The following FYB1 variants were observed in gnomAD, a reference collection of about 807,000 sequenced individuals.
FYB1 encodes the protein FYN-binding protein 1.
Under a neutral mutation model 94.1 loss-of-function variants are expected in FYB1, and 41 were observed. That is an observed-to-expected ratio of 0.44 (90% CI 0.34 to 0.57). The LOEUF is 0.57. Among genes scored for constraint, FYB1 ranks in the 20% least tolerant of loss-of-function variants. FYB1 has a pLI of 0.02. For missense variants in FYB1, 1,050 were observed against 976.8 expected (o/e 1.07, Z -1.00); for synonymous variants, 367 against 353.2 (o/e 1.04, Z -0.44).
chr5:39,189,127 G>A (rs1747129198), intron 2 of FYB1, among the ~76,000 whole-genome samples: 1 of 151,980 alleles, frequency 6.6e-6, no homozygotes, highest in African/African-American at 2.4e-5. Context: ...AGGAAGACAA[G>A]TAAGAGATGC....
intron 1 of FYB1, among the ~76,000 whole-genome samples, chr5:39,228,531 T>A (rs1464907663): frequency 6.6e-6 from 1 of 151,856 alleles, no homozygotes; most frequent in East Asian, 1.9e-4. Flanking sequence ...CCTATAGTAA[T>A]GTGTTGTCAG....
At chr5:39,154,364 A>G (rs986294173) in intron 2 of FYB1, among the ~76,000 whole-genome samples, 3 of 152,176 alleles carry the variant, frequency 2.0e-5, no homozygotes, top group African/African-American at 7.2e-5. Flanking sequence ...TTGTTTTCCT[A>G]AATATGGAAT....
intron 2 of FYB1, among the ~76,000 whole-genome samples, chr5:39,173,986 AT>A (rs1357707801): frequency 1.3e-5 from 2 of 152,146 alleles, no homozygotes; most frequent in Non-Finnish European, 1.5e-5. Context: ...GAAAAATGAC[AT>A]TGGCATTTTG....
intron 18 of FYB1, among the ~76,000 whole-genome samples, chr5:39,107,914 T>C (rs1002578227): frequency 6.6e-5 from 10 of 152,090 alleles, no homozygotes; most frequent in Non-Finnish European, 1.3e-4. Flanking sequence ...TAAGTACCTA[T>C]TTATTTGCCA....
chr5:39,169,371 C>G (rs1369629085), intron 2 of FYB1: 1 of 759,606 alleles, frequency 1.3e-6, no homozygotes, highest in East Asian at 2.5e-5. Flanking sequence ...GTCAATTGAA[C>G]TAGCTTTGTG....
At chr5:39,138,635 T>A in intron 6 of FYB1, 22 bp downstream of exon 6, 1 of 1,469,036 alleles carries the variant, frequency 6.8e-7, no homozygotes, top group African/African-American at 1.4e-5. Flanking sequence ...AAAACTGTCA[T>A]GGTAAAAAAT....
intron 1 of FYB1, among the ~76,000 whole-genome samples, chr5:39,254,429 T>G (rs1018347483): frequency 6.6e-6 from 1 of 152,208 alleles, no homozygotes; most frequent in African/African-American, 2.4e-5. Flanking sequence ...TTTTGGACAA[T>G]GACAAAATCT....
intron 2 of FYB1, among the ~76,000 whole-genome samples, chr5:39,186,390 C>T (rs1030805018): frequency 2.0e-5 from 3 of 152,118 alleles, no homozygotes; most frequent in African/African-American, 7.2e-5. Flanking sequence ...TGCCGCTGCA[C>T]TCCAGCCTGG....
intron 1 of FYB1, among the ~76,000 whole-genome samples, chr5:39,271,273 A>G (rs1271816932): frequency 1.3e-5 from 2 of 152,170 alleles, no homozygotes; most frequent in African/African-American, 4.8e-5. Flanking sequence ...AGGTTCATGT[A>G]TTAATTTTGG....
At chr5:39,263,220 G>A (rs1258835143) in intron 1 of FYB1, among the ~76,000 whole-genome samples, 1 of 152,168 alleles carries the variant, frequency 6.6e-6, no homozygotes, top group Non-Finnish European at 1.5e-5. Context: ...CACTTCAAGA[G>A]CAAGGGTGCC....
At chr5:39,208,441 T>G (rs1231748806) in intron 1 of FYB1, among the ~76,000 whole-genome samples, 1 of 152,242 alleles carries the variant, frequency 6.6e-6, no homozygotes, top group Non-Finnish European at 1.5e-5. Context: ...TTGATAATTT[T>G]TTACCATACG....
At chr5:39,189,064 A>G (rs532619387) in intron 2 of FYB1, among the ~76,000 whole-genome samples, 1 of 152,226 alleles carries the variant, frequency 6.6e-6, no homozygotes, top group East Asian at 1.9e-4. Context: ...TAGAACCACT[A>G]TCTGTCCTGG....
At chr5:39,225,430 C>A (rs1222699013) in intron 1 of FYB1, among the ~76,000 whole-genome samples, 1 of 152,204 alleles carries the variant, frequency 6.6e-6, no homozygotes, top group Non-Finnish European at 1.5e-5. Context: ...TGCCAACTAA[C>A]CTCTAACTAG....
At chr5:39,125,775 T>C (rs1312869702) in intron 12 of FYB1, among the ~76,000 whole-genome samples, 2 of 152,164 alleles carry the variant, frequency 1.3e-5, no homozygotes, top group South Asian at 4.1e-4. Flanking sequence ...GTAAAATATA[T>C]CTTTGAACTA....
intron 1 of FYB1, among the ~76,000 whole-genome samples, chr5:39,253,429 A>C (rs2150616713): frequency 6.6e-6 from 1 of 152,334 alleles, no homozygotes; most frequent in Middle Eastern, 3.4e-3. Context: ...CCTATGACTC[A>C]TCATGAATCC....
chr5:39,247,670 T>C (rs1373081027), intron 1 of FYB1, among the ~76,000 whole-genome samples: 4 of 152,116 alleles, frequency 2.6e-5, no homozygotes, highest in African/African-American at 9.7e-5. Flanking sequence ...CATTTTTCTT[T>C]ATATGTCAAT....
chr5:39,177,250 G>T (rs953753033), intron 2 of FYB1, among the ~76,000 whole-genome samples: 1 of 152,122 alleles, frequency 6.6e-6, no homozygotes, highest in Non-Finnish European at 1.5e-5. Flanking sequence ...AAAGTTTATT[G>T]TTTCTGTTGC....
chr5:39,209,682 G>A (rs1749182240), intron 1 of FYB1, among the ~76,000 whole-genome samples: 1 of 152,142 alleles, frequency 6.6e-6, no homozygotes, highest in Non-Finnish European at 1.5e-5. Context: ...GTTTCCCTAA[G>A]GAGATGTAAA....
intron 9 of FYB1, among the ~76,000 whole-genome samples, chr5:39,131,022 T>C (rs1741157420): frequency 6.6e-6 from 1 of 152,152 alleles, no homozygotes. Context: ...TATCTTTCAA[T>C]ATCTTTTGAC....
Sources: gnomAD v4.1 joint callset for allele counts (sites outside exome capture counted in the v4.1 genomes callset) on GRCh38, gnomAD v4.1.1 for gene constraint, MANE v1.5 for transcripts, NCBI Gene and HGNC (gene_info 2026-07-23, HGNC 2026-07-21) for gene names.